The following NAALADL2 variants were observed in gnomAD, a reference collection of about 807,000 sequenced individuals.
NAALADL2 encodes N-acetylated alpha-linked acidic dipeptidase like 2, also known as inactive N-acetylated-alpha-linked acidic dipeptidase-like protein 2.
Under a neutral mutation model 87.2 loss-of-function variants are expected in NAALADL2, and 76 were observed. The ratio of observed to expected loss-of-function variants is 0.87; its 90% CI spans 0.72 to 1.05. The LOEUF (loss-of-function observed/expected upper bound fraction) is 1.05, where lower values mean the gene tolerates loss of function less well. Ranked by LOEUF, NAALADL2 falls within the 50% of genes least tolerant of loss-of-function variation. The pLI, the probability that NAALADL2 is intolerant of heterozygous loss-of-function variation, is 0.00. For synonymous variants in NAALADL2, 354 were observed against 331.0 expected (o/e 1.07, Z -0.75); for missense variants, 1,089 against 945.8 (o/e 1.15, Z -1.99).
At chr3:174,609,355 G>C (rs867041605) in intron 2 of NAALADL2, among the ~76,000 whole-genome samples, 1 of 152,148 alleles carries the variant, frequency 6.6e-6, no homozygotes, top group Middle Eastern at 3.4e-3. Flanking sequence ...ATCCAATTAG[G>C]AAAAGAGGAA....
At chr3:175,393,142 C>T (rs1255317222) in intron 5 of NAALADL2, among the ~76,000 whole-genome samples, 2 of 150,580 alleles carry the variant, frequency 1.3e-5, no homozygotes, top group Non-Finnish European at 3.0e-5. Flanking sequence ...GGCGCGGTGG[C>T]GGGCGCCTGT....
chr3:174,508,114 GTT>G lies in NAALADL2; in HGVS notation c.-183-42439_-183-42438del, dbSNP rs1311325384. On this transcript the variant is annotated intron_variant, in intron 1 of 3. Coordinates refer to the NAALADL2 transcript ENST00000434257. The stretch of plus-strand genomic sequence containing the variant: ...AATTTTAGCTATTGGATATCTAGTG[GTT>G]TTTTTTTTTTTTTTTGAGACGAAGT... 1.6e-4 allele frequency among the ~76,000 whole-genome samples: 17 copies of G among 103,894 alleles called. 1 individual carries two copies. Among genetic ancestry groups the G allele is most frequent in the South Asian group, 1.1e-3 (3 of 2,620 alleles). The allele number at this position is 103,894 out of a possible 152,430, so 68.2% of individuals were successfully genotyped here. A position where few individuals can be genotyped will look rare whatever the true frequency, so the allele number is the denominator to read the frequency against.
rs1755071015 is a variant in NAALADL2, at chr3:175,810,312, AATT to A, written c.*7112_*7114del. On this transcript the variant is annotated 3_prime_UTR_variant, in exon 14 of 14. Transcript: ENST00000454872. ...GACTCAATATGCATCTTACTTAAGA[AATT>A]ATGTTGTGATCTGGAGTGACACAAA... The A allele has an allele frequency of 6.6e-6, 1 of 152,158 alleles. No individual in the cohort carries two copies. The highest frequency in any genetic ancestry group is 1.9e-4 in the East Asian group (1 of 5,170). 9.4% of individuals were successfully genotyped at this position (152,158 alleles called of 1,614,324 possible).
chr3:174,919,325 T>G (rs765588795), intron 1 of NAALADL2, among the ~76,000 whole-genome samples: 2 of 152,172 alleles, frequency 1.3e-5, no homozygotes, highest in Non-Finnish European at 2.9e-5. Context: ...CTTTCAAAAT[T>G]GGAGTTAATC....
chr3:174,941,762 ATG>A (rs1225043435), intron 1 of NAALADL2, among the ~76,000 whole-genome samples: 1 of 53,498 alleles, frequency 1.9e-5, no homozygotes, highest in East Asian at 2.7e-4. Flanking sequence ...GTACTTCTTT[ATG>A]TTTTTTTTTA....
intron 2 of NAALADL2, among the ~76,000 whole-genome samples, chr3:175,168,783 C>T (rs1734355993): frequency 6.6e-6 from 1 of 151,732 alleles, no homozygotes; most frequent in African/African-American, 2.4e-5. Flanking sequence ...CCAACATGAA[C>T]ATACATTATG....
chr3:175,542,112 T>G (rs531628224), intron 9 of NAALADL2, among the ~76,000 whole-genome samples: 1 of 152,282 alleles, frequency 6.6e-6, no homozygotes, highest in Non-Finnish European at 1.5e-5. Flanking sequence ...GAGAAGAGGA[T>G]TTTTTATATG....
At chr3:175,304,625 A>T (rs1248999357) in intron 4 of NAALADL2, among the ~76,000 whole-genome samples, 1 of 152,152 alleles carries the variant, frequency 6.6e-6, no homozygotes, top group Non-Finnish European at 1.5e-5. Context: ...GGGTGTGCTC[A>T]GCAGCTGCCA....
At chr3:175,212,749 G>T (rs181337807) in intron 2 of NAALADL2, among the ~76,000 whole-genome samples, 2 of 152,198 alleles carry the variant, frequency 1.3e-5, no homozygotes, top group Non-Finnish European at 2.9e-5. Context: ...GAAATGAGCA[G>T]CTCTAAAATA....
At chr3:175,784,396 A>C (rs1178865955) in intron 13 of NAALADL2, among the ~76,000 whole-genome samples, 1 of 149,940 alleles carries the variant, frequency 6.7e-6, no homozygotes, top group Non-Finnish European at 1.5e-5. Context: ...TTATTGGTCT[A>C]TTCAGAGATT....
chr3:175,587,458 T>C (rs1720698183), intron 10 of NAALADL2, among the ~76,000 whole-genome samples: 1 of 152,228 alleles, frequency 6.6e-6, no homozygotes, highest in Non-Finnish European at 1.5e-5. Flanking sequence ...TAGCCTGGGC[T>C]TCTCCTAAAT....
At chr3:175,118,411 TTAAA>T (rs555554242) in intron 2 of NAALADL2, among the ~76,000 whole-genome samples, 17 of 151,494 alleles carry the variant, frequency 1.1e-4, no homozygotes, top group Non-Finnish European at 2.2e-4. Flanking sequence ...AAAAAAATAA[TTAAA>T]TAAAGCATAA....
At chr3:175,347,614 A>G (rs759030366) in intron 5 of NAALADL2, among the ~76,000 whole-genome samples, 1 of 152,222 alleles carries the variant, frequency 6.6e-6, no homozygotes, top group Non-Finnish European at 1.5e-5. Flanking sequence ...TGATGATGAT[A>G]TGATCCATGT....
intron 11 of NAALADL2, among the ~76,000 whole-genome samples, chr3:175,662,696 T>C (rs1262355558): frequency 6.6e-6 from 1 of 151,958 alleles, no homozygotes; most frequent in Non-Finnish European, 1.5e-5. Flanking sequence ...AGGGTTTTTA[T>C]TGTGAAATGA....
chr3:174,889,673 C>G (rs1274129721), intron 1 of NAALADL2, among the ~76,000 whole-genome samples: 1 of 152,044 alleles, frequency 6.6e-6, no homozygotes, highest in Non-Finnish European at 1.5e-5. Context: ...ATTGACAAGG[C>G]ATGACTAAAT....
At chr3:175,345,118 C>A (rs1047458791) in intron 5 of NAALADL2, among the ~76,000 whole-genome samples, 3 of 50,074 alleles carry the variant, frequency 6.0e-5, no homozygotes, top group Admixed American at 2.3e-4. Context: ...TACATTATTA[C>A]CACCATTTTG....
intron 2 of NAALADL2, among the ~76,000 whole-genome samples, chr3:175,104,712 A>C (rs1277284069): frequency 6.6e-6 from 1 of 152,170 alleles, no homozygotes; most frequent in African/African-American, 2.4e-5. Context: ...CAGTGTATGC[A>C]AACGATAACA....
chr3:174,611,632 C>T (rs1040609528), intron 2 of NAALADL2, among the ~76,000 whole-genome samples: 1 of 152,112 alleles, frequency 6.6e-6, no homozygotes, highest in Non-Finnish European at 1.5e-5. Context: ...TGCTCCATCA[C>T]CCAGGCTGGA....
chr3:175,183,113 C>T (rs1406016164), intron 2 of NAALADL2, among the ~76,000 whole-genome samples: 3 of 151,860 alleles, frequency 2.0e-5, no homozygotes, highest in Non-Finnish European at 4.4e-5. Context: ...TGTATTGAAT[C>T]TGTGGATTGC....
Sources: gnomAD v4.1 joint callset for allele counts (sites outside exome capture counted in the v4.1 genomes callset) on GRCh38, gnomAD v4.1.1 for gene constraint, MANE v1.5 for transcripts, NCBI Gene and HGNC (gene_info 2026-07-23, HGNC 2026-07-21) for gene names.